Variants in SCAI observed in about 807,000 individuals in gnomAD.
The protein encoded by SCAI is protein SCAI.
Under a neutral mutation model 92.2 loss-of-function variants are expected in SCAI, and 24 were observed. The ratio of observed to expected loss-of-function variants is 0.26; its 90% confidence interval spans 0.19 to 0.37. SCAI has a LOEUF of 0.37. SCAI is among the 10% of genes least tolerant of loss of function. The pLI, the probability that SCAI is intolerant of heterozygous loss-of-function variation, is 1.00. For synonymous variants in SCAI, 261 were observed against 258.6 expected (o/e 1.01, Z -0.09); for missense variants, 450 against 736.2 (o/e 0.61, Z 4.50).
At chr9:124,965,002 G>GTT (rs200998683) in intron 17 of SCAI, among the ~76,000 whole-genome samples, 224 of 144,788 alleles carry the variant, frequency 1.5e-3, no homozygotes, top group East Asian at 4.6e-3. Context: ...TTTGTGGCAG[G>GTT]TTTTTTTTTT....
intron 9 of SCAI, among the ~76,000 whole-genome samples, chr9:125,010,421 G>A (rs999664971): frequency 5.3e-5 from 8 of 152,140 alleles, no homozygotes; most frequent in African/African-American, 1.7e-4. Context: ...ACGGAGTCTC[G>A]CTGATTGCTA....
chr9:125,061,773 G>C (rs920237698), intron 2 of SCAI, among the ~76,000 whole-genome samples: 1 of 151,336 alleles, frequency 6.6e-6, no homozygotes, highest in African/African-American at 2.4e-5. Context: ...TGAAAGAAAT[G>C]AAACGAAGAA....
At chr9:124,977,655 C>T (rs1322488239) in intron 14 of SCAI, among the ~76,000 whole-genome samples, 1 of 152,178 alleles carries the variant, frequency 6.6e-6, no homozygotes, top group African/African-American at 2.4e-5. Flanking sequence ...CCCTGCGCAA[C>T]AGAGCGAGAC....
intron 14 of SCAI, among the ~76,000 whole-genome samples, chr9:124,984,298 G>A (rs900021828): frequency 4.6e-5 from 7 of 152,216 alleles, no homozygotes; most frequent in Non-Finnish European, 7.3e-5. Context: ...GAAGACTGGG[G>A]AGGGAGGGGT....
chr9:124,996,712 C>T (rs963142600), intron 13 of SCAI, among the ~76,000 whole-genome samples: 1 of 151,792 alleles, frequency 6.6e-6, no homozygotes, highest in Non-Finnish European at 1.5e-5. Context: ...TCACTGCAAC[C>T]TCCGCCTCCC....
At chr9:125,125,267 T>C (rs1835237375) in intron 2 of SCAI, among the ~76,000 whole-genome samples, 1 of 152,044 alleles carries the variant, frequency 6.6e-6, no homozygotes, top group South Asian at 2.1e-4. Flanking sequence ...GCGCGGTGTC[T>C]CACGCCTGTA....
intron 14 of SCAI, among the ~76,000 whole-genome samples, chr9:124,991,351 CAAAAAAAAAAAAA>C (rs34976572): frequency 7.5e-5 from 3 of 40,228 alleles, no homozygotes; most frequent in African/African-American, 4.0e-4. Flanking sequence ...AACTCCGTCT[CAAAAAAAAAAAAA>C]AAAAAAAAAA....
chr9:125,089,352 C>CA (rs1179076669), intron 2 of SCAI, among the ~76,000 whole-genome samples: 1 of 151,986 alleles, frequency 6.6e-6, no homozygotes, highest in Non-Finnish European at 1.5e-5. Context: ...GAATATGGCC[C>CA]AAAAAAGCAG....
chr9:124,955,630 T>C (rs954784838), intron 17 of SCAI, among the ~76,000 whole-genome samples: 1 of 150,680 alleles, frequency 6.6e-6, no homozygotes, highest in Admixed American at 6.6e-5. Flanking sequence ...CAAAAAAAAT[T>C]TTTTTAAATA....
In SCAI at chr9:124,971,695, G is replaced by A. The variant is rs368816571; in HGVS notation, c.1549C>T (p.Leu517=). Residue 517 remains leucine (L), a synonymous_variant, in exon 16 of 18, where the codon CTA becomes TTA. Transcript: ENST00000336505. ...LRKINRDIAQ[L]LTHSRSIDQA... ...CCTATTGAACGTGAATGAGTCAGTAGCTGGGCAATATCACGGTTGATTTTT... is the reference window on the plus strand; with the variant it reads ...CCTATTGAACGTGAATGAGTCAGTAACTGGGCAATATCACGGTTGATTTTT... 51 of 1,608,982 alleles carry A rather than the reference G, an allele frequency of 3.2e-5. No homozygotes were observed. The African/African-American group carries it at 5.4e-4, about 17-fold the overall frequency.
chr9:124,997,632 T>C (rs561282087), intron 13 of SCAI, among the ~76,000 whole-genome samples: 1 of 152,042 alleles, frequency 6.6e-6, no homozygotes, highest in Non-Finnish European at 1.5e-5. Context: ...TCCCAGCACT[T>C]TGGGAGGCCA....
At chr9:125,143,283 T>C in intron 1 of SCAI, 102 bp downstream of exon 1, 1 of 216,590 alleles carries the variant, frequency 4.6e-6, no homozygotes, top group South Asian at 1.4e-4. Flanking sequence ...GCCCCTCCGG[T>C]CTCTGCGCCC....
At chr9:125,125,064 T>A (rs1275482355) in intron 2 of SCAI, among the ~76,000 whole-genome samples, 1 of 151,554 alleles carries the variant, frequency 6.6e-6, no homozygotes, top group Admixed American at 6.6e-5. Context: ...GTATAAAAAA[T>A]ACAAAAATTA....
Position 125,028,481 on chromosome 9 carries a change from GT to G in SCAI, c.327-4del. ...CATACCGATTATCCAAGACTTGTCT[GT>G]TTTATATAGGATACAAGAAAATAGA... is the stretch of plus-strand genomic sequence containing the variant. On this transcript the variant is annotated splice_polypyrimidine_tract_variant and splice_region_variant and intron_variant, in intron 4 of 17. Transcript: ENST00000336505. 1.3e-6 allele frequency: 2 copies of G among 1,527,246 alleles called. No homozygotes were observed. The highest frequency in any genetic ancestry group is 8.8e-7 in the Non-Finnish European group (1 of 1,132,284). 94.6% of individuals were successfully genotyped at this position (1,527,246 alleles called of 1,614,324 possible). A position where few individuals can be genotyped will look rare whatever the true frequency, so the allele number is the denominator to read the frequency against.
intron 2 of SCAI, among the ~76,000 whole-genome samples, chr9:125,057,048 T>C (rs1256727518): frequency 6.6e-6 from 1 of 152,170 alleles, no homozygotes; most frequent in Non-Finnish European, 1.5e-5. Context: ...AACCTAAATT[T>C]TAAAAACTGA....
At chr9:125,016,387 C>CAATAAATAAATAAATA (rs77877356) in intron 9 of SCAI, among the ~76,000 whole-genome samples, 111 of 131,656 alleles carry the variant, frequency 8.4e-4, no homozygotes, top group African/African-American at 1.3e-3. Flanking sequence ...GACTCTGTCT[C>CAATAAATAAATAAATA]AATAAATAAA....
chr9:125,031,573 A>C (rs956591876), intron 3 of SCAI, among the ~76,000 whole-genome samples: 1 of 152,220 alleles, frequency 6.6e-6, no homozygotes, highest in Non-Finnish European at 1.5e-5. Context: ...ATAAAGGAGC[A>C]ATAAATTCAT....
At chr9:124,960,134 T>TA (rs1182627512) in intron 17 of SCAI, among the ~76,000 whole-genome samples, 2 of 152,166 alleles carry the variant, frequency 1.3e-5, no homozygotes, top group African/African-American at 4.8e-5. Flanking sequence ...ACTAAACACA[T>TA]ACCAATACTA....
At chr9:124,989,369 C>CTTG (rs1832067453) in intron 14 of SCAI, among the ~76,000 whole-genome samples, 1 of 151,888 alleles carries the variant, frequency 6.6e-6, no homozygotes, top group African/African-American at 2.4e-5. Flanking sequence ...GAGGCCCAGA[C>CTTG]AGGCATTCAA....
Sources: gnomAD v4.1 joint callset for allele counts (sites outside exome capture counted in the v4.1 genomes callset) on GRCh38, gnomAD v4.1.1 for gene constraint, MANE v1.5 for transcripts, NCBI Gene and HGNC (gene_info 2026-07-23, HGNC 2026-07-21) for gene names.